Variants in PCDH15 observed in about 807,000 individuals in gnomAD.
PCDH15 encodes the protein protocadherin-15.
In PCDH15, 129 loss-of-function variants were observed where a neutral mutation model predicts 178.5. That is an observed-to-expected ratio of 0.72 (90% CI 0.63 to 0.84). The LOEUF is 0.84. Ranked by LOEUF, PCDH15 falls within the 40% of genes least tolerant of loss-of-function variation. The pLI is 0.00. For missense variants in PCDH15, 2,230 were observed against 2,099.9 expected (o/e 1.06, Z -1.21); for synonymous variants, 800 against 732.0 (o/e 1.09, Z -1.50).
At chr10:54,901,758 C>T (rs1457572752) in intron 2 of PCDH15, among the ~76,000 whole-genome samples, 1 of 152,042 alleles carries the variant, frequency 6.6e-6, no homozygotes, top group Non-Finnish European at 1.5e-5. Context: ...TAGTTAAGAT[C>T]CCTATTGCCT....
chr10:54,434,160 T>C (rs1030802813), intron 3 of PCDH15, among the ~76,000 whole-genome samples: 10 of 152,196 alleles, frequency 6.6e-5, no homozygotes, highest in African/African-American at 2.4e-4. Context: ...ATGTGTGCCT[T>C]AAGCTAAATG....
intron 2 of PCDH15, among the ~76,000 whole-genome samples, chr10:54,622,049 A>T (rs749099720): frequency 1.9e-4 from 28 of 151,068 alleles, no homozygotes; most frequent in Non-Finnish European, 3.7e-4. Flanking sequence ...GTGCTTACTA[A>T]ATCACCAGCT....
intron 18 of PCDH15, among the ~76,000 whole-genome samples, chr10:54,026,336 C>T (rs967545571): frequency 6.6e-6 from 1 of 152,102 alleles, no homozygotes; most frequent in East Asian, 1.9e-4. Flanking sequence ...TCTCAAAGTG[C>T]TGAGATTACA....
chr10:53,914,277 G>T (rs1033769614), intron 25 of PCDH15, among the ~76,000 whole-genome samples: 2 of 152,126 alleles, frequency 1.3e-5, no homozygotes, highest in Admixed American at 1.3e-4. Flanking sequence ...TATACCCAAA[G>T]GATGATAAAG....
At chr10:54,007,847 C>T (rs1413325028) in intron 20 of PCDH15, among the ~76,000 whole-genome samples, 6 of 152,124 alleles carry the variant, frequency 3.9e-5, no homozygotes, top group African/African-American at 1.4e-4. Flanking sequence ...CTTTTTGGGT[C>T]CAAGTATCTC....
intron 20 of PCDH15, among the ~76,000 whole-genome samples, chr10:54,015,570 A>G (rs2092715793): frequency 6.6e-6 from 1 of 152,216 alleles, no homozygotes; most frequent in Admixed American, 6.5e-5. Context: ...CCAATGGAAC[A>G]GAATAGAGAT....
chr10:54,428,083 C>A (rs529038191), intron 3 of PCDH15, among the ~76,000 whole-genome samples: 2 of 152,312 alleles, frequency 1.3e-5, no homozygotes, highest in East Asian at 3.9e-4. Context: ...GGTTCATCAT[C>A]CAGATCCCAT....
intron 16 of PCDH15, among the ~76,000 whole-genome samples, chr10:54,084,383 G>A (rs904660868): frequency 2.0e-5 from 3 of 151,760 alleles, no homozygotes; most frequent in Admixed American, 2.0e-4. Context: ...TGAGGGAGGA[G>A]AATCCCTTGA....
At chr10:54,537,198 A>G (rs2084669381) in intron 2 of PCDH15, among the ~76,000 whole-genome samples, 1 of 151,686 alleles carries the variant, frequency 6.6e-6, no homozygotes, top group Admixed American at 6.6e-5. Flanking sequence ...ACGGGGTTTC[A>G]CCGTGTTAGC....
intron 9 of PCDH15, among the ~76,000 whole-genome samples, chr10:54,223,347 G>A: frequency 6.9e-6 from 1 of 144,830 alleles, no homozygotes; most frequent in Admixed American, 6.9e-5. Context: ...CCAACCCTAA[G>A]GTCATAAAAA....
At chr10:55,147,883 G>A (rs1838574961) in intron 2 of PCDH15, among the ~76,000 whole-genome samples, 3 of 150,984 alleles carry the variant, frequency 2.0e-5, no homozygotes, top group Admixed American at 1.3e-4. Flanking sequence ...ACCTCCACTA[G>A]ATACTCTTCA....
intron 2 of PCDH15, among the ~76,000 whole-genome samples, chr10:54,595,543 C>T (rs1190563841): frequency 6.6e-6 from 1 of 152,180 alleles, no homozygotes; most frequent in African/African-American, 2.4e-5. Flanking sequence ...GCCAGAGTGC[C>T]TTCTTTCCTC....
intron 2 of PCDH15, among the ~76,000 whole-genome samples, chr10:55,424,141 C>A (rs901253062): frequency 6.6e-6 from 1 of 152,092 alleles, no homozygotes; most frequent in Admixed American, 6.6e-5. Flanking sequence ...GATAGTTATT[C>A]CTTCTCCAAA....
intron 2 of PCDH15, among the ~76,000 whole-genome samples, chr10:55,471,397 A>G (rs1185517876): frequency 6.6e-6 from 1 of 152,236 alleles, no homozygotes; most frequent in East Asian, 1.9e-4. Flanking sequence ...TAATTTATGA[A>G]TAAGTCATAT....
chr10:54,075,220 C>A (rs2094319196), intron 17 of PCDH15, among the ~76,000 whole-genome samples: 1 of 151,688 alleles, frequency 6.6e-6, no homozygotes, highest in South Asian at 2.1e-4. Context: ...TCCTAAAACT[C>A]CAAAAAAATA....
intron 11 of PCDH15, among the ~76,000 whole-genome samples, chr10:54,192,475 G>C (rs780493492): frequency 2.6e-5 from 4 of 151,962 alleles, no homozygotes; most frequent in Admixed American, 6.6e-5. Context: ...TAGTTGTGGC[G>C]AATAAAGAAA....
At chr10:54,982,212 T>C (rs1839251973) in intron 2 of PCDH15, among the ~76,000 whole-genome samples, 2 of 152,186 alleles carry the variant, frequency 1.3e-5, no homozygotes, top group Admixed American at 6.5e-5. Flanking sequence ...TCTTGAACAT[T>C]ATTGAACTCC....
chr10:55,584,563 A>C (rs2132124229), intron 2 of PCDH15, among the ~76,000 whole-genome samples: 1 of 150,048 alleles, frequency 6.7e-6, no homozygotes, highest in Non-Finnish European at 1.5e-5. Flanking sequence ...AGGCTGAGGC[A>C]GGAAAATTAC....
intron 2 of PCDH15, among the ~76,000 whole-genome samples, chr10:54,639,463 A>G (rs941052216): frequency 2.0e-5 from 3 of 152,144 alleles, no homozygotes; most frequent in African/African-American, 7.2e-5. Flanking sequence ...CAGAAGTTTA[A>G]GTTTTTGAGA....
Sources: gnomAD v4.1 joint callset for allele counts (sites outside exome capture counted in the v4.1 genomes callset) on GRCh38, gnomAD v4.1.1 for gene constraint, MANE v1.5 for transcripts, NCBI Gene and HGNC (gene_info 2026-07-23, HGNC 2026-07-21) for gene names.